Variants in PTPN5 observed in about 807,000 individuals in gnomAD.
The protein encoded by PTPN5 is tyrosine-protein phosphatase non-receptor type 5.
In PTPN5, 29 loss-of-function variants were observed where a neutral mutation model predicts 73.9. The observed-to-expected ratio is 0.39, with a 90% CI of 0.29 to 0.54. PTPN5 has a LOEUF of 0.54. Among genes scored for constraint, PTPN5 ranks in the 20% least tolerant of loss-of-function variants. The pLI, the probability that PTPN5 is intolerant of heterozygous loss-of-function variation, is 0.65. For synonymous variants in PTPN5, 267 were observed against 304.7 expected, an observed-to-expected ratio of 0.88 and a Z score of 1.29; for missense variants, 652 against 751.4, an observed-to-expected ratio of 0.87 and a Z score of 1.55.
intron 3 of PTPN5, among the ~76,000 whole-genome samples, chr11:18,762,047 G>T (rs150141441): frequency 1.3e-5 from 2 of 152,332 alleles, no homozygotes; most frequent in African/African-American, 4.8e-5. Flanking sequence ...TGTCCCAGGG[G>T]CTGTGAGGCA....
chr11:18,782,071 AT>A (rs1465209335), intron 1 of PTPN5, among the ~76,000 whole-genome samples: 13 of 152,256 alleles, frequency 8.5e-5, no homozygotes, highest in African/African-American at 3.1e-4. Flanking sequence ...AGACGGCTTC[AT>A]GAATCAGCCT....
intron 3 of PTPN5, among the ~76,000 whole-genome samples, chr11:18,755,912 G>A (rs1209461523): frequency 4.6e-5 from 7 of 150,760 alleles, no homozygotes; most frequent in Admixed American, 4.6e-4. Context: ...GCTGAGGCAG[G>A]AGAATTGCTT....
chr11:18,771,645 G>A (rs188090971), intron 2 of PTPN5, among the ~76,000 whole-genome samples: 78 of 152,296 alleles, frequency 5.1e-4, no homozygotes, highest in Non-Finnish European at 7.3e-5. Flanking sequence ...CAGGGTAGTG[G>A]CAGGGTCTCA....
chr11:18,771,610 T>C (rs1226805319), intron 2 of PTPN5, among the ~76,000 whole-genome samples: 1 of 152,210 alleles, frequency 6.6e-6, no homozygotes, highest in Non-Finnish European at 1.5e-5. Context: ...CTGAGCCTGT[T>C]GATGTACACC....
chr11:18,742,226 G>C lies in PTPN5; in HGVS notation c.725+36C>G, dbSNP rs781543396. The C allele has an allele frequency of 4.3e-6, 7 of 1,611,900 alleles. No homozygotes were observed. The highest frequency in any genetic ancestry group is 2.7e-5 in the African/African-American group (2 of 75,000). On this transcript the variant is annotated intron_variant, in intron 7 of 14. Coordinates refer to ENST00000358540, the MANE Select transcript of PTPN5 (RefSeq NM_006906.2). The surrounding 1 kb of genome is among the most constrained non-coding windows in gnomAD (Gnocchi z 4.1). The stretch of plus-strand genomic sequence containing the variant: ...TCTGATCAGGAGCTAAGAGCTCAAG[G>C]GCCCGTGGAGCCCACCCCTCCTCCA...
At chr11:18,743,799 C>T in intron 4 of PTPN5, 1 of 605,382 alleles carries the variant, frequency 1.7e-6, no homozygotes, top group African/African-American at 1.9e-5. Context: ...GTTAGGGAGG[C>T]AGGGTGTGAG....
intron 3 of PTPN5, among the ~76,000 whole-genome samples, chr11:18,761,759 A>T (rs1006576123): frequency 6.6e-6 from 1 of 152,118 alleles, no homozygotes; most frequent in Non-Finnish European, 1.5e-5. Flanking sequence ...AAAGAGAAAG[A>T]CACCTAAGGA....
chr11:18,787,532 TTGTC>T (rs1564937441), intron 1 of PTPN5, among the ~76,000 whole-genome samples: 1 of 152,186 alleles, frequency 6.6e-6, no homozygotes, highest in African/African-American at 2.4e-5. Flanking sequence ...CTTTCCCCCT[TTGTC>T]TGTCTCTTAC....
In PTPN5 at chr11:18,742,540, C is replaced by T. The variant is rs2278733; in HGVS notation, c.484-37G>A. 0.16 allele frequency: 256,146 copies of T among 1,603,794 alleles called. 22,847 individuals carry two copies. The highest frequency in any genetic ancestry group is 0.35 in the African/African-American group (26,153 of 74,760). On this transcript the variant is annotated intron_variant, in intron 6 of 14. Transcript: ENST00000358540. The surrounding 1 kb of genome is among the most constrained non-coding windows in gnomAD (Gnocchi z 4.1). Reference sequence around the variant, plus strand: ...GTACAGCATCACAGATTTCGGACCACGCTGGCTGCCCCCCGTGTTCCTGGA... The same window carrying T: ...GTACAGCATCACAGATTTCGGACCATGCTGGCTGCCCCCCGTGTTCCTGGA...
chr11:18,740,009 A>T (rs1849292281), intron 8 of PTPN5, among the ~76,000 whole-genome samples: 1 of 152,200 alleles, frequency 6.6e-6, no homozygotes, highest in South Asian at 2.1e-4. Context: ...TATTTTATTG[A>T]CAACAAAGGT....
In PTPN5 at chr11:18,774,762, C is replaced by T. The variant is rs536551767; in HGVS notation, c.-113-2691G>A. On this transcript the variant is annotated intron_variant, in intron 1 of 14. Coordinates refer to ENST00000358540, the MANE Select transcript of PTPN5 (RefSeq NM_006906.2). ...GTCAGAAATTCACAGTGATTCAGCTCAGACTCTGTGGACCCTCCCAGCCTC... is the reference window on the plus strand; with the variant it reads ...GTCAGAAATTCACAGTGATTCAGCTTAGACTCTGTGGACCCTCCCAGCCTC... 5.3e-4 allele frequency among the ~76,000 whole-genome samples: 81 copies of T among 152,348 alleles called. No homozygotes were observed. In the South Asian group the frequency reaches 0.017, roughly 31 times the overall value.
chr11:18,784,165 G>A (rs930834610), intron 1 of PTPN5, among the ~76,000 whole-genome samples: 13 of 152,114 alleles, frequency 8.5e-5, no homozygotes, highest in East Asian at 3.8e-4. Flanking sequence ...ATTCCACTGC[G>A]AGGTATATAC....
chr11:18,733,352 C>G lies in PTPN5; in HGVS notation c.1101G>C (p.Lys367Asn). The G allele has an allele frequency of 5.0e-6, 8 of 1,613,956 alleles. No individual in the cohort carries two copies. The highest frequency in any genetic ancestry group is 6.8e-6 in the Non-Finnish European group (8 of 1,179,890). Residue 367 changes from lysine to asparagine, a missense_variant, in exon 11 of 15, where the codon AAG (lysine) becomes AAC (asparagine). Physicochemically the swap from Lys to Asn is moderately conservative, Grantham distance 94 (BLOSUM62 0). This residue lies in a region of PTPN5 where 529 missense variants were observed against 573.9 expected (regional missense o/e 0.92). Transcript: ENST00000358540. This position sits in a 1 kb window ranked among gnomAD's most constrained non-coding sequence, Gnocchi z 4.3. ...NYIRGYGGEEKVYIATQGPIV... is the reference protein window; with the variant it reads ...NYIRGYGGEENVYIATQGPIV... ...TGGGTCCCTGAGTGGCGATGTACAC[C>G]TTCTCCTCCCCACCATAGCCCTGCG...
intron 2 of PTPN5, among the ~76,000 whole-genome samples, chr11:18,771,448 C>T (rs1270401863): frequency 6.6e-6 from 1 of 152,194 alleles, no homozygotes; most frequent in Non-Finnish European, 1.5e-5. Context: ...TCTGGGCTCC[C>T]CCACACACCT....
In PTPN5 at chr11:18,759,226, C is replaced by T. The variant is rs185328771; in HGVS notation, c.97+6581G>A. The stretch of plus-strand genomic sequence containing the variant: ...TTCCATATCCTGGAACAACCATCAC[C>T]GTCACTATTAGCTATCATTTATAGA... On this transcript the variant is annotated intron_variant, in intron 3 of 14. Transcript: ENST00000358540. 2.5e-3 allele frequency among the ~76,000 whole-genome samples: 387 copies of T among 152,316 alleles called. 4 individuals carry two copies. Among genetic ancestry groups the T allele is most frequent in the Admixed American group, 0.018 (268 of 15,300 alleles).
At chr11:18,781,184 C>T (rs567576138) in intron 1 of PTPN5, among the ~76,000 whole-genome samples, 13 of 151,982 alleles carry the variant, frequency 8.6e-5, no homozygotes, top group South Asian at 2.1e-4. Context: ...CCCTGAGCTG[C>T]GCTACTTTGC....
intron 3 of PTPN5, among the ~76,000 whole-genome samples, chr11:18,760,048 C>T (rs1175446432): frequency 2.0e-5 from 3 of 152,150 alleles, no homozygotes; most frequent in Non-Finnish European, 2.9e-5. Flanking sequence ...TTCCCTGACC[C>T]ACCAAGATAG....
At chr11:18,731,196 TTATA>T (rs1451513693) in intron 12 of PTPN5, among the ~76,000 whole-genome samples, 1 of 147,910 alleles carries the variant, frequency 6.8e-6, no homozygotes, top group East Asian at 1.9e-4. Flanking sequence ...TATATTTATA[TTATA>T]TATATTTTAT....
At chr11:18,763,945 G>A (rs1312386495) in intron 3 of PTPN5, among the ~76,000 whole-genome samples, 1 of 152,142 alleles carries the variant, frequency 6.6e-6, no homozygotes, top group Non-Finnish European at 1.5e-5. Context: ...CCTCCACACC[G>A]TGCTACTCTC....
Sources: allele counts gnomAD v4.1 joint callset (sites outside exome capture counted in the v4.1 genomes callset), GRCh38; gene constraint gnomAD v4.1.1; regional missense constraint gnomAD v4.1.1; non-coding constraint Gnocchi (gnomAD v3.1); transcripts MANE v1.5; gene names NCBI Gene and HGNC (gene_info 2026-07-23, HGNC 2026-07-21).